The following NELL1 variants were observed in gnomAD, a reference collection of about 807,000 sequenced individuals.
The protein encoded by NELL1 is neural EGFL like 1, also known as protein kinase C-binding protein NELL1.
Under a neutral mutation model 107.4 loss-of-function variants are expected in NELL1, and 76 were observed. The observed-to-expected ratio is 0.71, with a 90% CI of 0.59 to 0.86. The LOEUF is 0.86. NELL1 is among the 40% of genes least tolerant of loss of function. The pLI is 0.00. For synonymous variants in NELL1, 353 were observed against 341.2 expected (o/e 1.03, Z -0.38); for missense variants, 1,024 against 1,005.5 (o/e 1.02, Z -0.25).
At chr11:20,721,457 C>G (rs1426586012) in intron 2 of NELL1, among the ~76,000 whole-genome samples, 1 of 151,960 alleles carries the variant, frequency 6.6e-6, no homozygotes, top group Non-Finnish European at 1.5e-5. Flanking sequence ...ATTCATGCAA[C>G]TGCTATAAGG....
chr11:21,050,924 A>AGCT (rs1853476725), intron 12 of NELL1, among the ~76,000 whole-genome samples: 1 of 152,108 alleles, frequency 6.6e-6, no homozygotes, highest in African/African-American at 2.4e-5. Flanking sequence ...AGGTTGTCCT[A>AGCT]GCTGCTGAGG....
At chr11:21,397,981 C>T (rs1852017865) in intron 15 of NELL1, among the ~76,000 whole-genome samples, 1 of 151,350 alleles carries the variant, frequency 6.6e-6, no homozygotes, top group Non-Finnish European at 1.5e-5. Flanking sequence ...AATAAGCTAC[C>T]TAGTCTACGA....
intron 5 of NELL1, among the ~76,000 whole-genome samples, chr11:20,895,419 C>T (rs1210845387): frequency 1.4e-5 from 2 of 146,310 alleles, no homozygotes; most frequent in Non-Finnish European, 1.5e-5. Context: ...TGTTATCTGT[C>T]TTTCCGCTCT....
Position 20,994,302 on chromosome 11 carries a change from A to C in NELL1, c.1300+33742A>C, listed in dbSNP as rs975631155. Reference sequence around the variant, plus strand: ...CTGAGTATTGTCATGAAAAAACATGAAGATTCTCTGAGCAGTCAAAGCTGC... The same window carrying C: ...CTGAGTATTGTCATGAAAAAACATGCAGATTCTCTGAGCAGTCAAAGCTGC... On this transcript the variant is annotated intron_variant, in intron 12 of 19. Transcript: ENST00000357134. Among the ~76,000 whole-genome samples the C allele has an allele frequency of 5.9e-5, 9 of 152,216 alleles. No homozygotes were observed. In the South Asian group the frequency reaches 1.9e-3, roughly 31 times the overall value.
intron 13 of NELL1, among the ~76,000 whole-genome samples, chr11:21,115,920 T>G (rs1855225150): frequency 6.6e-6 from 1 of 152,124 alleles, no homozygotes; most frequent in Middle Eastern, 3.4e-3. Context: ...GTGAGGTTTT[T>G]TTTTCTTTAA....
At chr11:21,041,629 T>A (rs1853234775) in intron 12 of NELL1, among the ~76,000 whole-genome samples, 1 of 152,160 alleles carries the variant, frequency 6.6e-6, no homozygotes, top group Admixed American at 6.5e-5. Context: ...GATTCAAAAA[T>A]TCAAGGTTTT....
At chr11:20,704,290 G>A (rs943473026) in intron 2 of NELL1, among the ~76,000 whole-genome samples, 17 of 152,046 alleles carry the variant, frequency 1.1e-4, no homozygotes, top group African/African-American at 4.1e-4. Context: ...ATCTTTGTTG[G>A]TTTAAAGTCT....
chr11:21,374,176 A>AT (rs143766665), intron 15 of NELL1, among the ~76,000 whole-genome samples: 38 of 150,480 alleles, frequency 2.5e-4, no homozygotes, highest in East Asian at 9.8e-4. Context: ...ACTTTTTTCT[A>AT]TTTTTTTTTA....
chr11:21,389,511 C>T (rs1851819635), intron 15 of NELL1, among the ~76,000 whole-genome samples: 1 of 151,584 alleles, frequency 6.6e-6, no homozygotes, highest in Non-Finnish European at 1.5e-5. Context: ...TCTAAGAGTA[C>T]AGAAAGAGGG....
intron 14 of NELL1, among the ~76,000 whole-genome samples, chr11:21,240,334 C>A (rs1468787852): frequency 6.6e-6 from 1 of 151,950 alleles, no homozygotes; most frequent in Non-Finnish European, 1.5e-5. Flanking sequence ...TGCTTACCAA[C>A]AAATACTGAT....
chr11:20,949,982 C>A (rs1024356578), intron 11 of NELL1, among the ~76,000 whole-genome samples: 12 of 152,164 alleles, frequency 7.9e-5, no homozygotes, highest in Non-Finnish European at 1.2e-4. Flanking sequence ...TTATTTTATG[C>A]TCTTTGACTG....
At chr11:21,085,648 A>G (rs1854373640) in intron 12 of NELL1, among the ~76,000 whole-genome samples, 1 of 152,104 alleles carries the variant, frequency 6.6e-6, no homozygotes, top group African/African-American at 2.4e-5. Flanking sequence ...ACCAAAAAAC[A>G]AAAAACGATT....
intron 15 of NELL1, among the ~76,000 whole-genome samples, chr11:21,410,177 T>A (rs555250419): frequency 6.6e-6 from 1 of 152,208 alleles, no homozygotes; most frequent in East Asian, 1.9e-4. Context: ...ACTTTCCCTT[T>A]TTCACTGTTC....
intron 5 of NELL1, among the ~76,000 whole-genome samples, chr11:20,904,375 G>A (rs11025808): frequency 6.6e-6 from 1 of 151,992 alleles, no homozygotes; most frequent in South Asian, 2.1e-4. Context: ...TTGTATGCAC[G>A]TACCAAATAT....
At chr11:21,530,378 G>A (rs1855962902) in intron 15 of NELL1, among the ~76,000 whole-genome samples, 1 of 152,108 alleles carries the variant, frequency 6.6e-6, no homozygotes, top group Non-Finnish European at 1.5e-5. Context: ...TCCAGCTCAA[G>A]AGATGGATTT....
intron 3 of NELL1, among the ~76,000 whole-genome samples, chr11:20,825,594 T>C (rs1042606268): frequency 2.6e-5 from 4 of 151,394 alleles, no homozygotes; most frequent in Non-Finnish European, 5.9e-5. Flanking sequence ...GCAGCCTCTT[T>C]GTTTTTGCTA....
In NELL1 at chr11:21,562,417, T is replaced by TTTTG. The variant is rs138438209; in HGVS notation, c.1980+2045_1980+2048dup. Among the ~76,000 whole-genome samples, 26 of 152,138 alleles carry TTTTG rather than the reference T, an allele frequency of 1.7e-4. No homozygotes were observed. In the East Asian group the frequency reaches 5.1e-3, roughly 30 times the overall value. ...ACAGGCAGATTTCTGTACATAAATC[T>TTTTG]TTTGTTTGTTTGTGTTCTACATGTA... On this transcript the variant is annotated intron_variant, in intron 17 of 19. Coordinates refer to ENST00000357134, the MANE Select transcript of NELL1 (RefSeq NM_006157.5).
At chr11:21,512,191 T>C (rs984876594) in intron 15 of NELL1, among the ~76,000 whole-genome samples, 1 of 152,170 alleles carries the variant, frequency 6.6e-6, no homozygotes, top group Non-Finnish European at 1.5e-5. Context: ...AAGAGAATAT[T>C]GAGCACATGG....
intron 2 of NELL1, among the ~76,000 whole-genome samples, chr11:20,754,553 T>A (rs1015413386): frequency 5.9e-5 from 9 of 152,158 alleles, no homozygotes; most frequent in Admixed American, 2.0e-4. Flanking sequence ...GTAGAAAAAA[T>A]TATTTAGGAA....
Sources: allele counts gnomAD v4.1 joint callset (sites outside exome capture counted in the v4.1 genomes callset), GRCh38; gene constraint gnomAD v4.1.1; transcripts MANE v1.5; gene names NCBI Gene and HGNC (gene_info 2026-07-23, HGNC 2026-07-21).